The following KIRREL3 variants were observed in gnomAD, a reference collection of about 807,000 sequenced individuals.
The protein encoded by KIRREL3 is kin of IRRE-like protein 3.
In KIRREL3, 36 loss-of-function variants were observed where a neutral mutation model predicts 89.7. The observed-to-expected ratio is 0.40, with a 90% CI of 0.31 to 0.53. The LOEUF is 0.53. Ranked by LOEUF, KIRREL3 falls within the 20% of genes least tolerant of loss-of-function variation. The pLI is 0.49. For missense variants in KIRREL3, 864 were observed against 1,056.6 expected (o/e 0.82, Z 2.53); for synonymous variants, 445 against 441.4 (o/e 1.01, Z -0.10).
chr11:126,760,497 G>A (rs538392650), intron 1 of KIRREL3, among the ~76,000 whole-genome samples: 19 of 152,334 alleles, frequency 1.2e-4, no homozygotes, highest in Admixed American at 8.5e-4. Flanking sequence ...TTGCTGGAGA[G>A]ATCCAAAGAA....
At chr11:126,450,750 C>T (rs1454347053) in intron 7 of KIRREL3, among the ~76,000 whole-genome samples, 1 of 139,570 alleles carries the variant, frequency 7.2e-6, no homozygotes, top group Non-Finnish European at 1.5e-5. Context: ...TGAGTGTGGG[C>T]ATGTATGACT....
intron 1 of KIRREL3, among the ~76,000 whole-genome samples, chr11:126,986,221 G>A (rs1272278564): frequency 6.6e-6 from 1 of 151,994 alleles, no homozygotes; most frequent in Non-Finnish European, 1.5e-5. Flanking sequence ...GAGTTGGGTT[G>A]AAAAAAGAGG....
chr11:126,514,393 G>T (rs2134407398), intron 4 of KIRREL3, among the ~76,000 whole-genome samples: 1 of 152,278 alleles, frequency 6.6e-6, no homozygotes, highest in African/African-American at 2.4e-5. Context: ...CAGGTGTGCA[G>T]CCTGCTGGGA....
intron 1 of KIRREL3, among the ~76,000 whole-genome samples, chr11:126,760,549 C>T (rs1949637849): frequency 6.6e-6 from 1 of 152,194 alleles, no homozygotes; most frequent in Admixed American, 6.5e-5. Flanking sequence ...TGAGCTTGCA[C>T]AAGAGTTGGA....
rs368048918 is a variant in KIRREL3 at position 126,459,711 on chromosome 11, C to T, written c.743-3257G>A. Reference sequence around the variant, plus strand: ...CTGAGAGTCTGTTAGTGTTTCCATCCGCCCGTGTGTGCGTGTGTCCATGTG... The same window carrying T: ...CTGAGAGTCTGTTAGTGTTTCCATCTGCCCGTGTGTGCGTGTGTCCATGTG... On this transcript the variant is annotated intron_variant, in intron 6 of 16. Transcript: ENST00000525144. The surrounding 1 kb of genome is among the most constrained non-coding windows in gnomAD (Gnocchi z 4.8). Among the ~76,000 whole-genome samples the T allele has an allele frequency of 9.2e-5, 14 of 152,058 alleles. No individual in the cohort carries two copies. Among genetic ancestry groups the T allele is most frequent in the South Asian group, 4.1e-4 (2 of 4,822 alleles).
chr11:126,774,751 G>T (rs1252662825), intron 1 of KIRREL3, among the ~76,000 whole-genome samples: 1 of 152,148 alleles, frequency 6.6e-6, no homozygotes, highest in Non-Finnish European at 1.5e-5. Flanking sequence ...TTTCTCCAGG[G>T]CAGGGCTCTC....
rs189632203 is a variant in KIRREL3, at chr11:126,678,665, G to A, written c.56-115753C>T. On this transcript the variant is annotated intron_variant, in intron 1 of 16. Coordinates refer to ENST00000525144, the MANE Select transcript of KIRREL3 (RefSeq NM_032531.4). ...AATGTTCTTCCTGGGTCATGATAGA[G>A]GAGTCAGATCCCTTGCTGGTAAGGG... 1.7e-4 allele frequency among the ~76,000 whole-genome samples: 25 copies of A among 148,782 alleles called. No individual in the cohort carries two copies. The East Asian group carries it at 5.0e-3, about 29-fold the overall frequency.
In KIRREL3 at chr11:126,877,313, G is replaced by A. The variant is rs1200911342; in HGVS notation, c.55+123142C>T. On this transcript the variant is annotated intron_variant, in intron 1 of 16. Coordinates refer to ENST00000525144, the MANE Select transcript of KIRREL3 (RefSeq NM_032531.4). The surrounding 1 kb of genome is among the most constrained non-coding windows in gnomAD (Gnocchi z 4.9). ...GCAAAAGAGCGTTCTATATATACAT[G>A]CATTTTCAAAATATTGTGGCTTCTG... Among the ~76,000 whole-genome samples, 1 of 152,180 alleles carries A rather than the reference G, an allele frequency of 6.6e-6. No individual in the cohort carries two copies.
intron 4 of KIRREL3, among the ~76,000 whole-genome samples, chr11:126,487,428 A>G (rs1957395593): frequency 3.9e-5 from 6 of 152,226 alleles, no homozygotes; most frequent in Non-Finnish European, 8.8e-5. Context: ...GAAGGAAACA[A>G]GCAAAACACT....
At chr11:126,670,761 A>T (rs2135056405) in intron 1 of KIRREL3, among the ~76,000 whole-genome samples, 1 of 152,378 alleles carries the variant, frequency 6.6e-6, no homozygotes, top group Non-Finnish European at 1.5e-5. Context: ...CGAAGAAAAA[A>T]TTAACTGCTT....
rs1297924109 is a variant in KIRREL3, at chr11:126,568,342, A to T, written c.56-5430T>A. 1.3e-5 allele frequency among the ~76,000 whole-genome samples: 2 copies of T among 152,238 alleles called. No individual in the cohort carries two copies. The highest frequency in any genetic ancestry group is 4.8e-5 in the African/African-American group (2 of 41,470). The stretch of plus-strand genomic sequence containing the variant: ...GGAGGCTGGCTGGGAGACCGCTGCC[A>T]TACTCCAGGTGGGAGATGGTGGGCT... On this transcript the variant is annotated intron_variant, in intron 1 of 16. Transcript: ENST00000525144. This position sits in a 1 kb window ranked among gnomAD's most constrained non-coding sequence, Gnocchi z 4.6.
At chr11:126,461,513 G>A (rs924090512) in intron 6 of KIRREL3, among the ~76,000 whole-genome samples, 1 of 152,168 alleles carries the variant, frequency 6.6e-6, no homozygotes, top group East Asian at 1.9e-4. Flanking sequence ...GTATGTCGGG[G>A]GTTGTAGGGG....
At chr11:126,800,672 C>T (rs1036350482) in intron 1 of KIRREL3, among the ~76,000 whole-genome samples, 2 of 152,188 alleles carry the variant, frequency 1.3e-5, no homozygotes, top group African/African-American at 4.8e-5. Context: ...GAGCTCCAGG[C>T]ACCCTTTCAG....
At chr11:126,554,774 G>A (rs182946033) in intron 2 of KIRREL3, among the ~76,000 whole-genome samples, 2 of 152,238 alleles carry the variant, frequency 1.3e-5, no homozygotes, top group Non-Finnish European at 2.9e-5. Flanking sequence ...AGTGAAAACA[G>A]GTGACTCAAT....
rs560206887 is a variant in KIRREL3 at position 126,523,426 on chromosome 11, T to C, written c.284-1962A>G. ...TAGCTGTGATGATCCTCTGCCAGCC[T>C]TCCTGGCATGCTCTGGAGTGCTTCC... On this transcript the variant is annotated intron_variant, in intron 3 of 16. Transcript: ENST00000525144. This position sits in a 1 kb window ranked among gnomAD's most constrained non-coding sequence, Gnocchi z 4.9. 6.6e-6 allele frequency among the ~76,000 whole-genome samples: 1 copy of C among 152,284 alleles called. No homozygotes were observed. The highest frequency in any genetic ancestry group is 2.4e-5 in the African/African-American group (1 of 41,564).
In KIRREL3 at chr11:126,683,153, G is replaced by C. The variant is rs937816317; in HGVS notation, c.56-120241C>G. Among the ~76,000 whole-genome samples, 2 of 152,114 alleles carry C rather than the reference G, an allele frequency of 1.3e-5. No homozygotes were observed. The highest frequency in any genetic ancestry group is 2.9e-5 in the Non-Finnish European group (2 of 68,022). ...TTACAAGCGTGAGCCACAGCACCGG[G>C]TTACTTTGTTACTCTTTAGGGGTAT... On this transcript the variant is annotated intron_variant, in intron 1 of 16. Coordinates refer to ENST00000525144, the MANE Select transcript of KIRREL3 (RefSeq NM_032531.4). The surrounding 1 kb of genome is among the most constrained non-coding windows in gnomAD (Gnocchi z 5.2).
chr11:126,920,066 AC>A (rs1397665402), intron 1 of KIRREL3: 1 of 152,188 alleles, frequency 6.6e-6, no homozygotes, highest in Non-Finnish European at 1.5e-5. Flanking sequence ...CTTCATATCA[AC>A]CCCATGACGT....
At chr11:126,583,507 A>G (rs773713274) in intron 1 of KIRREL3, among the ~76,000 whole-genome samples, 20 of 152,292 alleles carry the variant, frequency 1.3e-4, no homozygotes, top group African/African-American at 4.8e-4. Flanking sequence ...TTTACATATC[A>G]AGATAGAAAA....
In KIRREL3 at chr11:126,562,525, T is replaced by C. The variant is rs190009717; in HGVS notation, c.133+310A>G. Among the ~76,000 whole-genome samples the C allele has an allele frequency of 1.7e-3, 254 of 152,158 alleles. No individual in the cohort carries two copies. The highest frequency in any genetic ancestry group is 2.9e-3 in the Non-Finnish European group (198 of 67,994). ...GAAATGAAAATAGGAGCAGATTTAA[T>C]TGGGCTGGCTGTGGGGTGGGGTGCG... On this transcript the variant is annotated intron_variant, in intron 2 of 16. Coordinates refer to ENST00000525144, the MANE Select transcript of KIRREL3 (RefSeq NM_032531.4). The surrounding 1 kb of genome is among the most constrained non-coding windows in gnomAD (Gnocchi z 4.7).
Sources: allele counts gnomAD v4.1 joint callset (sites outside exome capture counted in the v4.1 genomes callset), GRCh38; gene constraint gnomAD v4.1.1; non-coding constraint Gnocchi (gnomAD v3.1); transcripts MANE v1.5; gene names NCBI Gene and HGNC (gene_info 2026-07-23, HGNC 2026-07-21).